The following EXD3 variants were observed in gnomAD, a reference collection of about 807,000 sequenced individuals.
EXD3 encodes exonuclease mut-7 homolog.
In EXD3, 92 loss-of-function variants were observed where a neutral mutation model predicts 98.0. That is an observed-to-expected ratio of 0.94 (90% CI 0.79 to 1.12). The LOEUF (loss-of-function observed/expected upper bound fraction) is 1.12. Among genes scored for constraint, EXD3 ranks in the 50% most tolerant of loss-of-function variants. EXD3 has a pLI of 0.00. For synonymous variants in EXD3, 569 were observed against 526.0 expected (o/e 1.08, Z -1.12); for missense variants, 1,222 against 1,191.6 (o/e 1.03, Z -0.38).
chr9:137,387,738 C>T (rs906460062), intron 2 of EXD3, among the ~76,000 whole-genome samples: 3 of 152,204 alleles, frequency 2.0e-5, no homozygotes, highest in Non-Finnish European at 4.4e-5. Context: ...CCTCCCAGAC[C>T]CGCTCTCCGG....
intron 7 of EXD3, among the ~76,000 whole-genome samples, chr9:137,363,942 C>G (rs1185869130): frequency 1.3e-5 from 2 of 152,088 alleles, no homozygotes; most frequent in Non-Finnish European, 2.9e-5. Context: ...TCCTGATGTT[C>G]ATCACTTATA....
intron 10 of EXD3, chr9:137,353,047 C>G (rs1247909327): frequency 1.5e-6 from 2 of 1,305,644 alleles, no homozygotes. Context: ...GGTCTCCAAG[C>G]CTGAGGTGAA....
chr9:137,390,305 A>G lies in EXD3; in HGVS notation c.55+4998T>C, dbSNP rs1402023525. Among the ~76,000 whole-genome samples the G allele has an allele frequency of 4.8e-3, 643 of 134,990 alleles. 11 individuals are homozygous for G. Among genetic ancestry groups the G allele is most frequent in the African/African-American group, 0.017 (600 of 35,236 alleles). The allele number at this position is 134,990 out of a possible 152,430, so 88.6% of individuals were successfully genotyped here. On this transcript the variant is annotated intron_variant, in intron 2 of 21. Transcript: ENST00000340951. The stretch of plus-strand genomic sequence containing the variant: ...AAATTAGCCGGGAGTGGCGGCGGGC[A>G]CCTGTAGTCCCAGCTACTCGGGAGG...
chr9:137,388,979 C>T (rs912324296), intron 2 of EXD3, among the ~76,000 whole-genome samples: 1 of 152,188 alleles, frequency 6.6e-6, no homozygotes, highest in African/African-American at 2.4e-5. Context: ...CCTCAGCTCC[C>T]CTCAGAGACC....
chr9:137,363,451 C>T (rs1178800777), intron 7 of EXD3, among the ~76,000 whole-genome samples: 1 of 150,974 alleles, frequency 6.6e-6, no homozygotes, highest in African/African-American at 2.4e-5. Context: ...GATTCTCCTG[C>T]CTCAGCCTCT....
At chr9:137,310,430 T>C (rs1831299454) in intron 19 of EXD3, among the ~76,000 whole-genome samples, 1 of 152,266 alleles carries the variant, frequency 6.6e-6, no homozygotes, top group Non-Finnish European at 1.5e-5. Flanking sequence ...GGTCTCACGA[T>C]ATTGCCCAGG....
intron 17 of EXD3, among the ~76,000 whole-genome samples, chr9:137,328,486 A>AATATACACTCATATGATG (rs1284957127): frequency 0.016 from 66 of 4,234 alleles, 1 homozygote; most frequent in East Asian, 0.053. Flanking sequence ...GTAAAAACAA[A>AATATACACTCATATGATG]AGTAAAAACA....
chr9:137,408,798 T>A (rs919626087), intron 1 of EXD3, among the ~76,000 whole-genome samples: 3 of 152,168 alleles, frequency 2.0e-5, no homozygotes, highest in Non-Finnish European at 2.9e-5. Flanking sequence ...ACCCACCCTG[T>A]ACAGGGAAGC....
At chr9:137,411,999 G>A (rs1032036253) in intron 1 of EXD3, among the ~76,000 whole-genome samples, 2 of 152,168 alleles carry the variant, frequency 1.3e-5, no homozygotes, top group Non-Finnish European at 2.9e-5. Flanking sequence ...AGAGTGGGCT[G>A]TGTGCCCCCC....
chr9:137,362,311 T>C (rs1234684580), intron 7 of EXD3, among the ~76,000 whole-genome samples: 2 of 152,152 alleles, frequency 1.3e-5, no homozygotes, highest in East Asian at 1.9e-4. Context: ...GAATACATAA[T>C]GGTCAAGTGC....
At chr9:137,381,118 A>ACACACACACACACACT (rs1836239869) in intron 3 of EXD3, 1 of 147,346 alleles carries the variant, frequency 6.8e-6, no homozygotes, top group African/African-American at 2.5e-5. Context: ...ACACACACAC[A>ACACACACACACACACT]CACACGAAAA....
At chr9:137,314,978 C>T (rs1831565513) in intron 19 of EXD3, among the ~76,000 whole-genome samples, 1 of 152,156 alleles carries the variant, frequency 6.6e-6, no homozygotes, top group South Asian at 2.1e-4. Flanking sequence ...AGGGTGTGAG[C>T]CAGGAAGCGT....
chr9:137,307,142 C>A lies in EXD3; in HGVS notation c.2439G>T (p.Leu813=). The stretch of plus-strand genomic sequence containing the variant: ...TCAGCACACCCACCGGGACCCCTGC[C>A]AGCTGCAGCCGGGTGCCGTCGGCCA... ...DMLADGTRLQ[L]AGVPVGVLRT... is the part of the protein sequence containing the mutation. Residue 813 remains leucine, a synonymous_variant, in exon 22 of 22, where the codon CTG becomes CTT. Coordinates refer to ENST00000340951, the MANE Select transcript of EXD3 (RefSeq NM_017820.5). 1 of 1,596,986 alleles carries A rather than the reference C, an allele frequency of 6.3e-7. No individual in the cohort carries two copies. Among genetic ancestry groups the A allele is most frequent in the South Asian group, 1.1e-5 (1 of 89,130 alleles).
intron 11 of EXD3, 99 bp from the exon 12 acceptor site, chr9:137,352,300 G>A (rs1182198152): frequency 2.0e-6 from 3 of 1,508,302 alleles, no homozygotes; most frequent in Non-Finnish European, 2.7e-6. Context: ...TTTGGTGGGG[G>A]CATCTCAGGT....
rs577931760 is a variant in EXD3 at position 137,352,896 on chromosome 9, C to T, written c.871-110G>A. On this transcript the variant is annotated intron_variant, in intron 10 of 21. Coordinates refer to ENST00000340951, the MANE Select transcript of EXD3 (RefSeq NM_017820.5). ...ACCTTGCAGACTGGCTATGAGCACT[C>T]GGGGAGGAGGGGCAGCCGTCCACCT... 13 of 1,451,560 alleles carry T rather than the reference C, an allele frequency of 9.0e-6. No homozygotes were observed. The East Asian group carries it at 1.8e-4, about 20-fold the overall frequency. 89.9% of individuals were successfully genotyped at this position (1,451,560 alleles called of 1,614,324 possible).
chr9:137,400,625 C>T (rs571704295), intron 1 of EXD3, among the ~76,000 whole-genome samples: 1 of 152,014 alleles, frequency 6.6e-6, no homozygotes, highest in African/African-American at 2.4e-5. Context: ...ATTAGCCGGG[C>T]GTGGTGGCAC....
Position 137,389,474 on chromosome 9 carries a change from G to A in EXD3, c.55+5829C>T, listed in dbSNP as rs183142343. ...GGCCTTGGAGACAGAACCTGACCCA[G>A]CCTAAGCCCAAGCTGCCTCTGCTGG... is the stretch of plus-strand genomic sequence containing the variant. On this transcript the variant is annotated intron_variant, in intron 2 of 21. Coordinates refer to ENST00000340951, the MANE Select transcript of EXD3 (RefSeq NM_017820.5). Among the ~76,000 whole-genome samples the A allele has an allele frequency of 2.1e-4, 32 of 152,284 alleles. No individual in the cohort carries two copies. The East Asian group carries it at 4.6e-3, about 22-fold the overall frequency.
Position 137,351,480 on chromosome 9 carries a change from C to A in EXD3, c.1222G>T (p.Ala408Ser). Residue 408 changes from alanine (A) to serine (S), a missense_variant, in exon 13 of 22, where the codon GCT (alanine) becomes TCT (serine). By Grantham distance (99) the Ala-to-Ser change is moderately conservative (BLOSUM62 1). Coordinates refer to ENST00000340951, the MANE Select transcript of EXD3 (RefSeq NM_017820.5). The part of the protein sequence containing the change: ...VDVEWTPVFV[A>S]GGRPRPSLLQ... ...AGTGACGGCCGAGGCCGGCCCCCAGCAACAAACACAGGTGTCCACTCCACG... is the reference window on the plus strand; with the variant it reads ...AGTGACGGCCGAGGCCGGCCCCCAGAAACAAACACAGGTGTCCACTCCACG... 6.3e-7 allele frequency: 1 copy of A among 1,599,232 alleles called. No homozygotes were observed. Among genetic ancestry groups the A allele is most frequent in the Non-Finnish European group, 8.5e-7 (1 of 1,174,274 alleles).
In EXD3 at chr9:137,349,513, G is replaced by T; in HGVS notation, c.1513C>A (p.Pro505Thr). 1 of 1,595,580 alleles carries T rather than the reference G, an allele frequency of 6.3e-7. No homozygotes were observed. Residue 505 changes from proline to threonine, a missense_variant, in exon 15 of 22, where the codon CCA (proline) becomes ACA (threonine). Coordinates refer to ENST00000340951, the MANE Select transcript of EXD3 (RefSeq NM_017820.5). This position sits in a 1 kb window ranked among gnomAD's most constrained non-coding sequence, Gnocchi z 7.4. ...VHRQMRVASV[P>T]APAVDRAREL... is the part of the protein sequence containing the mutation. ...CTGGCCCTGTCCACGGCTGGGGCTG[G>T]CACGCTCGCCACCCGCATCTGCTAA...
Sources: gnomAD v4.1 joint callset for allele counts (sites outside exome capture counted in the v4.1 genomes callset) on GRCh38, gnomAD v4.1.1 for gene constraint, Gnocchi (gnomAD v3.1) non-coding constraint, MANE v1.5 for transcripts, NCBI Gene and HGNC (gene_info 2026-07-23, HGNC 2026-07-21) for gene names.